CCDC77: variants seen among roughly 807,000 people sequenced by gnomAD.
CCDC77 encodes the protein coiled-coil domain-containing protein 77.
CCDC77 carries 56 observed loss-of-function variants against 66.8 expected under a neutral mutation model. The observed-to-expected ratio is 0.84, with a 90% CI of 0.68 to 1.05. The LOEUF is 1.05. Among genes scored for constraint, CCDC77 ranks in the 50% least tolerant of loss-of-function variants. CCDC77 has a pLI of 0.00. For synonymous variants in CCDC77, 196 were observed against 195.2 expected, an observed-to-expected ratio of 1.00 and a Z score of -0.03; for missense variants, 570 against 576.8, an observed-to-expected ratio of 0.99 and a Z score of 0.12.
intron 1 of CCDC77, among the ~76,000 whole-genome samples, chr12:404,737 T>G (rs930341726): frequency 2.0e-5 from 3 of 151,884 alleles, no homozygotes; most frequent in African/African-American, 7.3e-5. Flanking sequence ...TTTTTTTTTT[T>G]TTGAGACGGA....
intron 4 of CCDC77, 57 bp downstream of exon 4, chr12:412,035 T>A: frequency 4.6e-6 from 6 of 1,300,984 alleles, no homozygotes; most frequent in Non-Finnish European, 6.6e-6. Flanking sequence ...AAATTAGAGA[T>A]GCCCTACAAG....
chr12:405,588 T>G (rs541967590), intron 2 of CCDC77, 24 bp downstream of exon 2: 2 of 152,252 alleles, frequency 1.3e-5, no homozygotes, highest in Admixed American at 6.5e-5. Flanking sequence ...AGGAGAGTAG[T>G]CTTTTAAAGG....
chr12:430,025 C>CT (rs1338430702), intron 6 of CCDC77, among the ~76,000 whole-genome samples: 3 of 152,126 alleles, frequency 2.0e-5, no homozygotes, highest in African/African-American at 7.2e-5. Context: ...TGGAGTTTCG[C>CT]TCTTGTACAC....
chr12:438,396 G>C lies in CCDC77; in HGVS notation c.883G>C (p.Glu295Gln), dbSNP rs1313888604. The C allele has an allele frequency of 6.2e-7, 1 of 1,614,022 alleles. No homozygotes were observed. Among genetic ancestry groups the C allele is most frequent in the East Asian group, 2.2e-5 (1 of 44,872 alleles). ...STKDFLQLRS[E>Q]NQNKEKSWML... Reference sequence around the variant, plus strand: ...CAAAGATTTTCTGCAACTCAGATCTGAAAACCAAAATAAAGAGAAGTCATG... The same window carrying C: ...CAAAGATTTTCTGCAACTCAGATCTCAAAACCAAAATAAAGAGAAGTCATG... Residue 295 changes from glutamate to glutamine, a missense_variant, in exon 10 of 13, where the codon GAA becomes CAA. Physicochemically the swap from Glu to Gln is conservative, Grantham distance 29. Coordinates refer to ENST00000239830, the MANE Select transcript of CCDC77 (RefSeq NM_032358.4).
intron 5 of CCDC77, among the ~76,000 whole-genome samples, chr12:427,026 C>T (rs933435489): frequency 5.9e-5 from 9 of 152,080 alleles, no homozygotes; most frequent in African/African-American, 1.9e-4. Context: ...GCGGGCAGAT[C>T]ACGAGGTCAG....
chr12:398,373 A>G (rs1046419185), upstream of CCDC77, among the ~76,000 whole-genome samples: 4 of 152,162 alleles, frequency 2.6e-5, no homozygotes, highest in East Asian at 1.9e-4. Context: ...TTACTTATTC[A>G]TAAGAAGCAA....
intron 1 of CCDC77, among the ~76,000 whole-genome samples, chr12:403,250 G>T (rs1472767971): frequency 3.3e-5 from 5 of 152,192 alleles, no homozygotes; most frequent in Non-Finnish European, 5.9e-5. Context: ...CTTGAAGACA[G>T]AACCTCTGAG....
chr12:431,926 A>T lies in CCDC77; in HGVS notation c.644A>T (p.Gln215Leu), dbSNP rs201604843. ...RERKESSEHY[Q>L]RDIQTLILQV... ...AGAAAAGAAAGTTCTGAGCATTACC[A>T]AAGAGACATACAGACACTCATCCTA... Residue 215 changes from glutamine (Q) to leucine (L), a missense_variant, in exon 8 of 13, where the codon CAA becomes CTA. By Grantham distance (113) the Gln-to-Leu change is moderately radical. Transcript: ENST00000239830. The T allele has an allele frequency of 1.2e-6, 2 of 1,612,160 alleles. No individual in the cohort carries two copies. Among genetic ancestry groups the T allele is most frequent in the East Asian group, 4.5e-5 (2 of 44,862 alleles).
chr12:423,470 GTT>G lies in CCDC77; in HGVS notation c.413+4839_413+4840del, dbSNP rs1307027692. 1.3e-4 allele frequency among the ~76,000 whole-genome samples: 6 copies of G among 44,846 alleles called. 1 individual carries two copies. The highest frequency in any genetic ancestry group is 2.3e-4 in the Non-Finnish European group (5 of 22,002). The allele number at this position is 44,846 out of a possible 152,430, so 29.4% of individuals were successfully genotyped here. A position where few individuals can be genotyped will look rare whatever the true frequency, so the allele number is the denominator to read the frequency against. Reference sequence around the variant, plus strand: ...TTGTTATTTTCTGGGTGTTTTTTGTGTTTTTTGTGTTTTTTTTTGTTTTGTTT... The same window carrying G: ...TTGTTATTTTCTGGGTGTTTTTTGTGTTTTGTGTTTTTTTTTGTTTTGTTT... On this transcript the variant is annotated intron_variant, in intron 5 of 12. Coordinates refer to ENST00000239830, the MANE Select transcript of CCDC77 (RefSeq NM_032358.4).
intron 1 of CCDC77, among the ~76,000 whole-genome samples, chr12:389,694 A>G (rs1460507239): frequency 2.0e-5 from 3 of 151,254 alleles, no homozygotes. Flanking sequence ...TTTGTGTATC[A>G]GTGCACTCGA....
At chr12:399,604 C>G (rs1944870788), upstream of CCDC77, among the ~76,000 whole-genome samples, 1 of 152,196 alleles carries the variant, frequency 6.6e-6, no homozygotes, top group Admixed American at 6.5e-5. Context: ...TCTTGGGTGA[C>G]CAGTTGCATT....
At chr12:391,595 T>C (rs966652826) in intron 1 of CCDC77, among the ~76,000 whole-genome samples, 2 of 152,266 alleles carry the variant, frequency 1.3e-5, no homozygotes, top group East Asian at 3.8e-4. Context: ...TTCAATTAAA[T>C]GTAATGGTTT....
chr12:416,041 G>T (rs1459525480), intron 4 of CCDC77, among the ~76,000 whole-genome samples: 1 of 151,630 alleles, frequency 6.6e-6, no homozygotes, highest in African/African-American at 2.4e-5. Context: ...CCTGACCACA[G>T]ATGACCCATC....
intron 5 of CCDC77, among the ~76,000 whole-genome samples, chr12:426,607 C>T (rs138668804): frequency 1.3e-3 from 198 of 152,276 alleles, no homozygotes; most frequent in African/African-American, 4.6e-3. Flanking sequence ...TGTCCCCCAC[C>T]TAGTATGTCC....
intron 3 of CCDC77, chr12:409,632 T>C: frequency 1.8e-6 from 1 of 552,804 alleles, no homozygotes; most frequent in Non-Finnish European, 3.2e-6. Context: ...TCCTCCCACC[T>C]CAGCCTCCCA....
chr12:426,851 G>T (rs560036247), intron 5 of CCDC77, among the ~76,000 whole-genome samples: 10 of 152,212 alleles, frequency 6.6e-5, no homozygotes, highest in Non-Finnish European at 1.5e-4. Flanking sequence ...TGAATAAATG[G>T]CTATAGACCC....
chr12:422,196 T>C (rs541710528), intron 5 of CCDC77, among the ~76,000 whole-genome samples: 2 of 71,658 alleles, frequency 2.8e-5, no homozygotes, highest in Admixed American at 1.4e-4. Flanking sequence ...AGAGGGTAAA[T>C]ACACACATAG....
At chr12:390,286 G>A (rs1039880658) in intron 1 of CCDC77, among the ~76,000 whole-genome samples, 1 of 152,072 alleles carries the variant, frequency 6.6e-6, no homozygotes, top group Non-Finnish European at 1.5e-5. Flanking sequence ...CCATCCACAC[G>A]TTGGATTGCT....
intron 5 of CCDC77, among the ~76,000 whole-genome samples, chr12:427,742 G>A (rs1945562439): frequency 6.6e-6 from 1 of 151,942 alleles, no homozygotes; most frequent in Non-Finnish European, 1.5e-5. Flanking sequence ...CAAAGTGCCG[G>A]GATTACAGGC....
Sources: gnomAD v4.1 joint callset for allele counts (sites outside exome capture counted in the v4.1 genomes callset) on GRCh38, gnomAD v4.1.1 for gene constraint, MANE v1.5 for transcripts, NCBI Gene and HGNC (gene_info 2026-07-23, HGNC 2026-07-21) for gene names.